Variants in NPHS2 observed in about 807,000 individuals in gnomAD.
The protein encoded by NPHS2 is NPHS2 stomatin family member, podocin.
A neutral mutation model predicts 37.1 loss-of-function variants in NPHS2; 36 were observed. The ratio of observed to expected loss-of-function variants is 0.97; its 90% CI spans 0.74 to 1.28. The LOEUF (loss-of-function observed/expected upper bound fraction) is 1.28, where lower values mean the gene tolerates loss of function less well. Among genes scored for constraint, NPHS2 ranks in the 50% most tolerant of loss-of-function variants. The pLI is 0.00. For synonymous variants in NPHS2, 196 were observed against 189.3 expected, an observed-to-expected ratio of 1.04 and a Z score of -0.29; for missense variants, 447 against 488.1, an observed-to-expected ratio of 0.92 and a Z score of 0.79.
Position 179,552,505 on chromosome 1 carries a change from AG to A in NPHS2, c.873+97del, listed in dbSNP as rs1673434522. On this transcript the variant is annotated intron_variant, in intron 7 of 7. Coordinates refer to ENST00000367615, the MANE Select transcript of NPHS2 (RefSeq NM_014625.4). ...TAAGGGCCCAAGACAGCTTCTGCCCAGTGCCTAATGAATGGACAGTAAGGAA... is the reference window on the plus strand; with the variant it reads ...TAAGGGCCCAAGACAGCTTCTGCCCATGCCTAATGAATGGACAGTAAGGAA... The A allele has an allele frequency of 4.4e-6, 4 of 916,432 alleles. No homozygotes were observed. The South Asian group carries it at 5.6e-5, about 13-fold the overall frequency. The allele number at this position is 916,432 out of a possible 1,614,324, so 56.8% of individuals were successfully genotyped here. A position where few individuals can be genotyped will look rare whatever the true frequency, so the allele number is the denominator to read the frequency against.
At chr1:179,561,631 T>C (rs1035170952) in intron 2 of NPHS2, among the ~76,000 whole-genome samples, 4 of 152,216 alleles carry the variant, frequency 2.6e-5, no homozygotes, top group Admixed American at 6.5e-5. Flanking sequence ...CAACTTTCCC[T>C]AAATTAATCT....
At chr1:179,566,254 G>A (rs1039602656) in intron 1 of NPHS2, among the ~76,000 whole-genome samples, 17 of 152,216 alleles carry the variant, frequency 1.1e-4, no homozygotes, top group Non-Finnish European at 1.9e-4. Context: ...TTTAATGATT[G>A]CCATTCTAAC....
At chr1:179,569,379 G>A (rs781101153) in intron 1 of NPHS2, among the ~76,000 whole-genome samples, 34 of 151,828 alleles carry the variant, frequency 2.2e-4, no homozygotes, top group Middle Eastern at 3.4e-3. Flanking sequence ...GCTTTTTTTC[G>A]CTTTCCATTT....
chr1:179,557,806 A>G (rs944015378), intron 4 of NPHS2, among the ~76,000 whole-genome samples: 1 of 152,196 alleles, frequency 6.6e-6, no homozygotes, highest in African/African-American at 2.4e-5. Flanking sequence ...ACTAAATGAA[A>G]TGCTGTATGT....
chr1:179,553,995 C>T (rs937736007), intron 6 of NPHS2, among the ~76,000 whole-genome samples: 3 of 151,568 alleles, frequency 2.0e-5, no homozygotes, highest in African/African-American at 7.3e-5. Context: ...TCACTGAAAC[C>T]TCTGCCTCTC....
rs1372261944 is a variant in NPHS2, at chr1:179,575,829, G to A, written c.36C>T (p.Ser12=). The A allele has an allele frequency of 6.9e-7, 1 of 1,456,394 alleles. No homozygotes were observed. The highest frequency in any genetic ancestry group is 1.5e-5 in the South Asian group (1 of 67,572). The allele number at this position is 1,456,394 out of a possible 1,614,324, so 90.2% of individuals were successfully genotyped here. The change falls in exon 1 of 8, where the codon TCC becomes TCT. Residue 12 remains serine, a synonymous_variant. Transcript: ENST00000367615. ...ERRARSSSRE[S]RGRGGRTPHK... ...GCGGAGTCCTGCCGCCTCGCCCGCG[G>A]GACTCCCTGGAGGAGCTCCGCGCCC...
intron 1 of NPHS2, 102 bp downstream of exon 1, chr1:179,575,484 ATCTGC>A: frequency 6.8e-7 from 1 of 1,480,170 alleles, no homozygotes; most frequent in Non-Finnish European, 9.2e-7. Flanking sequence ...GCATCCAGCA[ATCTGC>A]TCTGGCTTCA....
intron 1 of NPHS2, among the ~76,000 whole-genome samples, chr1:179,570,938 C>T (rs1558352639): frequency 1.3e-5 from 2 of 152,168 alleles, no homozygotes; most frequent in African/African-American, 4.8e-5. Context: ...CTTCTCTATA[C>T]TGTTTATTCT....
At chr1:179,553,912 A>ATTTTTTT (rs11422639) in intron 6 of NPHS2, among the ~76,000 whole-genome samples, 1 of 131,876 alleles carries the variant, frequency 7.6e-6, no homozygotes, top group Non-Finnish European at 1.6e-5. Context: ...CCCCTGGCTA[A>ATTTTTTT]TTTTTTTTTT....
intron 3 of NPHS2, among the ~76,000 whole-genome samples, 181 bp downstream of exon 3, chr1:179,561,108 A>G (rs1354530841): frequency 6.6e-6 from 1 of 152,198 alleles, no homozygotes; most frequent in Admixed American, 6.5e-5. Flanking sequence ...GCTACCTATG[A>G]CCTAGTAGTA....
At chr1:179,565,815 T>C (rs145408543) in intron 1 of NPHS2, among the ~76,000 whole-genome samples, 2,148 of 144,352 alleles carry the variant, frequency 0.015, 31 homozygotes, top group Non-Finnish European at 0.019. Context: ...AGTGAAAACA[T>C]GTGGTGTTTG....
chr1:179,558,413 C>T (rs1046149077), intron 4 of NPHS2, among the ~76,000 whole-genome samples: 3 of 152,076 alleles, frequency 2.0e-5, no homozygotes, highest in African/African-American at 7.2e-5. Flanking sequence ...GTCAGAATTT[C>T]CTTTCTTTTT....
chr1:179,551,370 C>G lies in NPHS2; in HGVS notation c.955G>C (p.Val319Leu), dbSNP rs767084085. The change falls in exon 8 of 8, where the codon GTT (valine) becomes CTT (leucine). Residue 319 changes from valine to leucine, a missense_variant. By Grantham distance (32) the Val-to-Leu change is conservative (BLOSUM62 1). Transcript: ENST00000367615. The part of the protein sequence containing the change: ...AEILSGTPAA[V>L]QLRYLHTLQS... ...AGGGTGTGGAGGTATCGAAGCTGAA[C>G]GGCAGCAGGGGTGCCTGACAGAATC... 8.7e-6 allele frequency: 14 copies of G among 1,613,948 alleles called. No homozygotes were observed. Among genetic ancestry groups the G allele is most frequent in the Non-Finnish European group, 1.2e-5 (14 of 1,179,986 alleles).
intron 1 of NPHS2, among the ~76,000 whole-genome samples, chr1:179,570,221 TG>T (rs1674500780): frequency 1.3e-5 from 2 of 152,112 alleles, no homozygotes; most frequent in East Asian, 3.9e-4. Context: ...CTTTACCCAG[TG>T]GTGCTAAAGG....
intron 1 of NPHS2, among the ~76,000 whole-genome samples, chr1:179,565,693 G>A (rs1441365425): frequency 6.6e-6 from 1 of 152,032 alleles, no homozygotes; most frequent in Non-Finnish European, 1.5e-5. Context: ...TTTATATTAG[G>A]TATTTCTCCT....
intron 6 of NPHS2, 64 bp downstream of exon 6, chr1:179,554,412 T>C: frequency 6.2e-7 from 1 of 1,604,388 alleles, no homozygotes; most frequent in South Asian, 1.1e-5. Context: ...AAATGAAAAA[T>C]TTAAAATGAA....
Position 179,561,951 on chromosome 1 carries a change from GTA to G in NPHS2, c.379-592_379-591del, listed in dbSNP as rs1674156750. 3.9e-5 allele frequency among the ~76,000 whole-genome samples: 6 copies of G among 152,084 alleles called. No individual in the cohort carries two copies. In the East Asian group the frequency reaches 1.2e-3, roughly 29 times the overall value. The stretch of plus-strand genomic sequence containing the variant: ...CTCCCAAGTAGCTGGTATTACAGGT[GTA>G]AGCCACCATGCCTGGCTAATTTTTT... On this transcript the variant is annotated intron_variant, in intron 2 of 7. Transcript: ENST00000367615.
At chr1:179,559,623 C>A in intron 4 of NPHS2, 56 bp downstream of exon 4, 2 of 1,099,326 alleles carry the variant, frequency 1.8e-6, no homozygotes, top group South Asian at 1.3e-5. Flanking sequence ...ATTTTGTCCA[C>A]GGTAGGTAGA....
intron 4 of NPHS2, among the ~76,000 whole-genome samples, chr1:179,558,277 A>G (rs976766706): frequency 3.3e-5 from 5 of 152,096 alleles, no homozygotes; most frequent in African/African-American, 1.2e-4. Flanking sequence ...TACTACTTTC[A>G]GTCTCTATGA....
Sources: allele counts gnomAD v4.1 joint callset (sites outside exome capture counted in the v4.1 genomes callset), GRCh38; gene constraint gnomAD v4.1.1; transcripts MANE v1.5; gene names NCBI Gene and HGNC (gene_info 2026-07-23, HGNC 2026-07-21).